The following PDS5A variants were observed in gnomAD, a reference collection of about 807,000 sequenced individuals.
PDS5A encodes PDS5 cohesin associated factor A.
A neutral mutation model predicts 167.1 loss-of-function variants in PDS5A; 42 were observed. That is an observed-to-expected ratio of 0.25 (90% CI 0.20 to 0.33). The LOEUF (loss-of-function observed/expected upper bound fraction) is 0.33, where lower values mean the gene tolerates loss of function less well. Among genes scored for constraint, PDS5A ranks in the 10% least tolerant of loss-of-function variants. PDS5A has a pLI of 1.00. For synonymous variants in PDS5A, 553 were observed against 554.6 expected, an observed-to-expected ratio of 1.00 and a Z score of 0.04; for missense variants, 1,033 against 1,605.9, an observed-to-expected ratio of 0.64 and a Z score of 6.10.
At chr4:39,941,420 C>T (rs1002749240) in intron 2 of PDS5A, among the ~76,000 whole-genome samples, 1 of 152,184 alleles carries the variant, frequency 6.6e-6, no homozygotes, top group Non-Finnish European at 1.5e-5. Context: ...ACTCACTGAG[C>T]ATATACATGG....
chr4:39,967,674 A>C (rs1228012898), intron 2 of PDS5A, among the ~76,000 whole-genome samples: 2 of 151,344 alleles, frequency 1.3e-5, no homozygotes, highest in African/African-American at 4.9e-5. Context: ...AATAAAAATA[A>C]AAAGGCCAGG....
At chr4:39,976,399 C>A in intron 2 of PDS5A, 41 bp downstream of exon 2, 1 of 1,577,490 alleles carries the variant, frequency 6.3e-7, no homozygotes, top group Non-Finnish European at 8.7e-7. Flanking sequence ...CAGGAGAAAG[C>A]GCCTTCTACC....
chr4:39,927,348 T>C (rs1381753474), intron 3 of PDS5A, among the ~76,000 whole-genome samples: 1 of 152,210 alleles, frequency 6.6e-6, no homozygotes, highest in Non-Finnish European at 1.5e-5. Flanking sequence ...TTCATGATGG[T>C]AGTCTTTCAT....
chr4:39,932,263 C>T (rs1404039963), intron 2 of PDS5A, among the ~76,000 whole-genome samples: 5 of 152,152 alleles, frequency 3.3e-5, no homozygotes, highest in Non-Finnish European at 7.3e-5. Context: ...AGCATTTGTA[C>T]GTTGAGATTG....
chr4:39,905,652 A>G (rs1723271431), intron 11 of PDS5A, among the ~76,000 whole-genome samples: 1 of 152,140 alleles, frequency 6.6e-6, no homozygotes, highest in Non-Finnish European at 1.5e-5. Flanking sequence ...GACCAAAACA[A>G]ACAGGCCAGA....
chr4:39,943,768 C>T (rs557938026), intron 2 of PDS5A, among the ~76,000 whole-genome samples: 3 of 151,986 alleles, frequency 2.0e-5, no homozygotes, highest in South Asian at 4.2e-4. Context: ...GATCGTATCA[C>T]TGCACTCCAG....
chr4:39,887,495 T>C (rs952449811), intron 17 of PDS5A, among the ~76,000 whole-genome samples: 4 of 152,226 alleles, frequency 2.6e-5, no homozygotes, highest in Admixed American at 2.6e-4. Flanking sequence ...TAATGTGTTA[T>C]TGAAAGCAGG....
chr4:39,873,187 A>AG, intron 20 of PDS5A, 43 bp from the exon 21 acceptor site: 1 of 1,231,848 alleles, frequency 8.1e-7, no homozygotes, highest in South Asian at 1.9e-5. Context: ...TGTTTGATAA[A>AG]TATCTAGACA....
intron 6 of PDS5A, 137 bp downstream of exon 6, chr4:39,922,485 A>G: frequency 1.3e-5 from 8 of 627,334 alleles, no homozygotes; most frequent in Non-Finnish European, 7.2e-6. Context: ...AGACTAATGC[A>G]TGTTATTTTA....
chr4:39,918,433 C>T (rs914771169), intron 7 of PDS5A, among the ~76,000 whole-genome samples: 2 of 151,964 alleles, frequency 1.3e-5, no homozygotes, highest in African/African-American at 4.8e-5. Context: ...CAGCACTGCA[C>T]ACCACCGTCA....
Position 39,837,733 on chromosome 4 carries a change from G to A in PDS5A, c.4010+123C>T, listed in dbSNP as rs113434480. On this transcript the variant is annotated intron_variant, in intron 32 of 32. Transcript: ENST00000303538. ...ACAGATGCTATTATAAACGGACCCAGGAAAACCAGATGCAGGTTTCTCTCT... is the reference window on the plus strand; with the variant it reads ...ACAGATGCTATTATAAACGGACCCAAGAAAACCAGATGCAGGTTTCTCTCT... 8.9e-3 allele frequency: 6,042 copies of A among 680,504 alleles called. 44 individuals are homozygous for A. The highest frequency in any genetic ancestry group is 0.011 in the Non-Finnish European group (4,664 of 414,948). The allele number at this position is 680,504 out of a possible 1,614,324, so 42.2% of individuals were successfully genotyped here.
At chr4:39,916,082 C>CA in intron 8 of PDS5A, among the ~76,000 whole-genome samples, 1 of 151,696 alleles carries the variant, frequency 6.6e-6, no homozygotes, top group Non-Finnish European at 1.5e-5. Context: ...AACAAACAAG[C>CA]AAAAAATTGC....
chr4:39,864,913 T>C (rs972824594), intron 23 of PDS5A, among the ~76,000 whole-genome samples: 4 of 152,214 alleles, frequency 2.6e-5, no homozygotes, highest in African/African-American at 9.6e-5. Context: ...TCCCCTATTT[T>C]TTGTGATGGA....
At chr4:39,970,787 T>C (rs1730441405) in intron 2 of PDS5A, among the ~76,000 whole-genome samples, 1 of 132,794 alleles carries the variant, frequency 7.5e-6, no homozygotes, top group Non-Finnish European at 1.6e-5. Flanking sequence ...AAACCGCTTG[T>C]TCCTTTTTTT....
rs1490319349 is a variant in PDS5A at position 39,913,593 on chromosome 4, AAT to A, written c.992+16_992+17del. The A allele has an allele frequency of 7.5e-7, 1 of 1,328,952 alleles. No individual in the cohort carries two copies. The highest frequency in any genetic ancestry group is 1.2e-5 in the South Asian group (1 of 85,212). The allele number at this position is 1,328,952 out of a possible 1,614,324, so 82.3% of individuals were successfully genotyped here. A position where few individuals can be genotyped will look rare whatever the true frequency, so the allele number is the denominator to read the frequency against. On this transcript the variant is annotated intron_variant, in intron 9 of 32. Transcript: ENST00000303538. ...CTATTTTCTAAAATATAAACATCAGAATTATATGTTCTCTTACCGTCCAAGAA... is the reference window on the plus strand; with the variant it reads ...CTATTTTCTAAAATATAAACATCAGATATATGTTCTCTTACCGTCCAAGAA...
Position 39,900,426 on chromosome 4 carries a change from T to C in PDS5A, c.1581A>G (p.Thr527=), listed in dbSNP as rs1341031193. ...RELLDLHKQP[T]SEANCSAMFG... is the part of the protein sequence containing the mutation. ...GAATTTAAACAAATCATGAACCTAC[T>C]GTAGGCTGCTTGTGCAAATCCAATA... is the stretch of plus-strand genomic sequence containing the variant. The change falls in exon 14 of 33, where the codon ACA becomes ACG. Residue 527 remains threonine (T), a splice_region_variant and synonymous_variant. Coordinates refer to ENST00000303538, the MANE Select transcript of PDS5A (RefSeq NM_001100399.2). 2 of 1,560,722 alleles carry C rather than the reference T, an allele frequency of 1.3e-6. No individual in the cohort carries two copies. The highest frequency in any genetic ancestry group is 1.2e-5 in the South Asian group (1 of 85,560).
intron 8 of PDS5A, 103 bp downstream of exon 8, chr4:39,916,945 T>C: frequency 1.8e-6 from 1 of 548,218 alleles, no homozygotes; most frequent in Non-Finnish European, 3.0e-6. Flanking sequence ...GTATACATTT[T>C]TCCTGGAAAG....
intron 26 of PDS5A, among the ~76,000 whole-genome samples, chr4:39,851,409 C>T (rs1364485833): frequency 6.6e-6 from 1 of 152,040 alleles, no homozygotes; most frequent in Non-Finnish European, 1.5e-5. Context: ...CACTATCCTC[C>T]TACCTCAGCT....
At chr4:39,937,335 TTA>T (rs1254953640) in intron 2 of PDS5A, among the ~76,000 whole-genome samples, 1 of 142,524 alleles carries the variant, frequency 7.0e-6, no homozygotes, top group African/African-American at 2.4e-5. Context: ...AGATCGATTA[TTA>T]TATGTCATAT....
Sources: gnomAD v4.1 joint callset for allele counts (sites outside exome capture counted in the v4.1 genomes callset) on GRCh38, gnomAD v4.1.1 for gene constraint, MANE v1.5 for transcripts, NCBI Gene and HGNC (gene_info 2026-07-23, HGNC 2026-07-21) for gene names.